Variants in FAM110B observed in about 807,000 individuals in gnomAD.
FAM110B encodes protein FAM110B.
In FAM110B, 6 loss-of-function variants were observed where a neutral mutation model predicts 20.4. The observed-to-expected ratio is 0.29, with a 90% CI of 0.16 to 0.58. The LOEUF is 0.58. Ranked by LOEUF, FAM110B falls within the 20% of genes least tolerant of loss-of-function variation. The probability of loss-of-function intolerance (pLI) is 0.90; values close to 1 mark genes in which losing one functional copy is unlikely to be tolerated. For missense variants in FAM110B, 434 were observed against 498.2 expected, an observed-to-expected ratio of 0.87 and a Z score of 1.23; for synonymous variants, 226 against 214.1, an observed-to-expected ratio of 1.06 and a Z score of -0.49.
intron 3 of FAM110B, among the ~76,000 whole-genome samples, chr8:58,134,309 T>C (rs1803558426): frequency 6.6e-6 from 1 of 152,250 alleles, no homozygotes; most frequent in Non-Finnish European, 1.5e-5. Context: ...CTTGTATTCA[T>C]TTCCTTTTGC....
chr8:58,054,094 G>T (rs548341455), intron 2 of FAM110B, among the ~76,000 whole-genome samples: 2 of 152,210 alleles, frequency 1.3e-5, no homozygotes, highest in African/African-American at 4.8e-5. Context: ...GGCTGCCTTT[G>T]ATTGGCCAAA....
In FAM110B at chr8:58,120,457, A is replaced by G. The variant is rs114221622; in HGVS notation, c.-324-25450A>G. Among the ~76,000 whole-genome samples the G allele has an allele frequency of 1.0e-3, 157 of 152,368 alleles. 2 individuals carry two copies. Among genetic ancestry groups the G allele is most frequent in the African/African-American group, 3.6e-3 (150 of 41,580 alleles). ...CTAAGGAATAATGGAGAATGTAGGA[A>G]TAAGAGAATAACTCCACCAACAGCC... On this transcript the variant is annotated intron_variant, in intron 3 of 3. Coordinates refer to ENST00000519262, the MANE Select transcript of FAM110B (RefSeq NM_001377989.1).
At chr8:58,037,200 T>C (rs1034573456) in intron 2 of FAM110B, among the ~76,000 whole-genome samples, 20 of 152,258 alleles carry the variant, frequency 1.3e-4, no homozygotes, top group Middle Eastern at 3.4e-3. Flanking sequence ...TGCATTCTTA[T>C]TGTTACATAG....
Position 58,147,145 on chromosome 8 carries a change from C to T in FAM110B, c.915C>T (p.Ser305=), listed in dbSNP as rs1234489591. The T allele has an allele frequency of 6.2e-7, 1 of 1,614,026 alleles. No homozygotes were observed. Among genetic ancestry groups the T allele is most frequent in the Non-Finnish European group, 8.5e-7 (1 of 1,180,046 alleles). Residue 305 remains serine (S), a synonymous_variant, in exon 4 of 4, where the codon TCC becomes TCT. Coordinates refer to ENST00000519262, the MANE Select transcript of FAM110B (RefSeq NM_001377989.1). The stretch of plus-strand genomic sequence containing the variant: ...CAAGGGCTAATTCTGACATAATATC[C>T]CTCAACTTCCGCAGCGCAAGCATGA... ...NFARANSDII[S]LNFRSASMIS...
chr8:58,127,394 A>G (rs974061865), intron 3 of FAM110B, among the ~76,000 whole-genome samples: 5 of 152,132 alleles, frequency 3.3e-5, no homozygotes, highest in Non-Finnish European at 7.3e-5. Flanking sequence ...TTGCCTTTCC[A>G]TATAAGTTTT....
chr8:58,146,776 C>T lies in FAM110B; in HGVS notation c.546C>T (p.Gly182=). The change falls in exon 4 of 4, where the codon GGC becomes GGT. Residue 182 remains glycine (G), a synonymous_variant. Coordinates refer to ENST00000519262, the MANE Select transcript of FAM110B (RefSeq NM_001377989.1). The part of the protein sequence containing the change: ...RSPQEGGSHV[G]RRLLEQSAES... ...CGCAGGAGGGCGGCTCCCACGTGGG[C>T]AGGAGACTGCTGGAGCAGTCAGCCG... The T allele has an allele frequency of 1.2e-6, 2 of 1,611,092 alleles. No homozygotes were observed. The highest frequency in any genetic ancestry group is 1.7e-6 in the Non-Finnish European group (2 of 1,178,540).
At chr8:58,064,962 C>T (rs979725271) in intron 2 of FAM110B, among the ~76,000 whole-genome samples, 1 of 152,144 alleles carries the variant, frequency 6.6e-6, no homozygotes, top group African/African-American at 2.4e-5. Context: ...GACAGCTATC[C>T]TTTAGCCTCT....
intron 1 of FAM110B, among the ~76,000 whole-genome samples, chr8:58,006,746 G>A (rs1804411336): frequency 6.6e-6 from 1 of 151,196 alleles, no homozygotes; most frequent in South Asian, 2.1e-4. Context: ...GGGATTACAA[G>A]CACGTGCCAC....
At chr8:58,041,098 A>G (rs1805208823) in intron 2 of FAM110B, among the ~76,000 whole-genome samples, 1 of 151,998 alleles carries the variant, frequency 6.6e-6, no homozygotes, top group South Asian at 2.1e-4. Context: ...CCACCACCAC[A>G]TGTGGCTAAT....
chr8:58,095,806 G>A (rs753315750), intron 3 of FAM110B, among the ~76,000 whole-genome samples: 1 of 152,092 alleles, frequency 6.6e-6, no homozygotes, highest in Non-Finnish European at 1.5e-5. Flanking sequence ...TTGATTTTCT[G>A]TCTCGTTGAT....
intron 3 of FAM110B, among the ~76,000 whole-genome samples, chr8:58,126,679 AT>A (rs1299826556): frequency 2.0e-5 from 3 of 152,032 alleles, no homozygotes; most frequent in African/African-American, 7.2e-5. Context: ...ACATCTTTTC[AT>A]ATGTCTATTT....
At chr8:58,069,950 A>T (rs779728810) in intron 2 of FAM110B, among the ~76,000 whole-genome samples, 3 of 152,238 alleles carry the variant, frequency 2.0e-5, no homozygotes, top group Non-Finnish European at 4.4e-5. Flanking sequence ...AAGGTGACAC[A>T]TTAATCCTCA....
intron 2 of FAM110B, among the ~76,000 whole-genome samples, chr8:58,066,555 A>G (rs1041635778): frequency 6.6e-6 from 1 of 152,160 alleles, no homozygotes; most frequent in African/African-American, 2.4e-5. Flanking sequence ...ACAAAAAAAG[A>G]AAGACTGCTG....
intron 1 of FAM110B, among the ~76,000 whole-genome samples, chr8:58,008,179 T>C (rs1804452298): frequency 6.7e-6 from 1 of 149,258 alleles, no homozygotes; most frequent in South Asian, 2.1e-4. Flanking sequence ...CCAGGCTGGA[T>C]TGCAATGGCG....
At chr8:58,031,471 C>T (rs1563345266) in intron 1 of FAM110B, 135 bp from the exon 2 acceptor site, 3 of 152,202 alleles carry the variant, frequency 2.0e-5, no homozygotes, top group Non-Finnish European at 2.9e-5. Context: ...GAATTAGAAA[C>T]AGGCTTTGAA....
chr8:58,038,288 T>G (rs1453838552), intron 2 of FAM110B, among the ~76,000 whole-genome samples: 1 of 152,180 alleles, frequency 6.6e-6, no homozygotes, highest in Non-Finnish European at 1.5e-5. Context: ...ACTGTTCTGT[T>G]TACTCAGAGC....
At chr8:58,017,108 T>A (rs1585813872) in intron 1 of FAM110B, among the ~76,000 whole-genome samples, 1 of 152,126 alleles carries the variant, frequency 6.6e-6, no homozygotes, top group Non-Finnish European at 1.5e-5. Context: ...GTGTGGTAGG[T>A]AAGGGAGTTA....
At chr8:58,064,072 C>A (rs965186080) in intron 2 of FAM110B, among the ~76,000 whole-genome samples, 2 of 152,150 alleles carry the variant, frequency 1.3e-5, no homozygotes. Flanking sequence ...AGGTGCCACA[C>A]ATTTTTAAAC....
intron 3 of FAM110B, among the ~76,000 whole-genome samples, chr8:58,079,884 G>T (rs899074347): frequency 2.0e-5 from 3 of 152,142 alleles, no homozygotes; most frequent in African/African-American, 7.2e-5. Context: ...TGTTATAATA[G>T]AAATTGTGTA....
Sources: allele counts gnomAD v4.1 joint callset (sites outside exome capture counted in the v4.1 genomes callset), GRCh38; gene constraint gnomAD v4.1.1; transcripts MANE v1.5; gene names NCBI Gene and HGNC (gene_info 2026-07-23, HGNC 2026-07-21).